Variants in SCARF2 observed in about 807,000 individuals in gnomAD.
SCARF2 encodes the protein scavenger receptor class F member 2.
Under a neutral mutation model 73.4 loss-of-function variants are expected in SCARF2, and 39 were observed. The observed-to-expected ratio is 0.53, with a 90% CI of 0.41 to 0.69. The LOEUF is 0.69. Ranked by LOEUF, SCARF2 falls within the 30% of genes least tolerant of loss-of-function variation. SCARF2 has a pLI of 0.00. For missense variants in SCARF2, 1,148 were observed against 1,303.5 expected (o/e 0.88, Z 1.84); for synonymous variants, 605 against 590.0 (o/e 1.03, Z -0.37).
Position 20,431,276 on chromosome 22 carries a change from G to C in SCARF2, c.596C>G (p.Ala199Gly). 1 of 1,535,966 alleles carries C rather than the reference G, an allele frequency of 6.5e-7. No homozygotes were observed. Among genetic ancestry groups the C allele is most frequent in the South Asian group, 1.2e-5 (1 of 84,002 alleles). The change falls in exon 4 of 11, where the codon GCC becomes GGC. Residue 199 changes from alanine to glycine, a missense_variant. By Grantham distance (60) the Ala-to-Gly change is moderately conservative (BLOSUM62 0). Around this residue, in one of 5 missense-constraint regions of SCARF2, gnomAD observed 372 missense variants for 532.0 expected, o/e 0.70. Coordinates refer to ENST00000622235, the MANE Select transcript of SCARF2 (RefSeq NM_182895.5). ...CCACCAGCCTGCGTGGCACAGGCAG[G>C]CGCCGGTCTGTGGGTCGCAGCGCGA... ...ATSRCDPQTG[A>G]CLCHAGWWGR... is the part of the protein sequence containing the mutation.
In SCARF2 at chr22:20,429,591, G is replaced by A. The variant is rs773824360; in HGVS notation, c.1369C>T (p.Leu457=). ...CAGCAGCAGCCGAGCAGCGAGAGCA[G>A]CAGGCAGACGAGCAGGACGAGCAGC... ...GALLVLLVCL[L]LSLLGCCCAC... is the part of the protein sequence containing the mutation. Residue 457 remains leucine (L), a synonymous_variant, in exon 8 of 11, where the codon CTG becomes TTG. Transcript: ENST00000622235. This position sits in a 1 kb window ranked among gnomAD's most constrained non-coding sequence, Gnocchi z 5.2. 6.2e-7 allele frequency: 1 copy of A among 1,613,512 alleles called. No homozygotes were observed. Among genetic ancestry groups the A allele is most frequent in the Non-Finnish European group, 8.5e-7 (1 of 1,179,904 alleles).
chr22:20,432,963 C>T (rs1441719669), intron 1 of SCARF2, among the ~76,000 whole-genome samples: 5 of 152,304 alleles, frequency 3.3e-5, no homozygotes, highest in South Asian at 2.1e-4. Flanking sequence ...GTGATCCGCC[C>T]GCCTCGGCCT....
At chr22:20,435,059 C>A (rs1015109477) in intron 1 of SCARF2, among the ~76,000 whole-genome samples, 22 of 152,226 alleles carry the variant, frequency 1.4e-4, no homozygotes, top group African/African-American at 4.8e-4. Flanking sequence ...GCAAATCCAA[C>A]TGCCCAATAG....
intron 10 of SCARF2, 29 bp from the exon 11 acceptor site, chr22:20,426,311 G>A: frequency 6.5e-7 from 1 of 1,531,570 alleles, no homozygotes; most frequent in South Asian, 1.2e-5. Flanking sequence ...GGCGGTCACA[G>A]CCTTCAGGAA....
chr22:20,437,556 C>G, intron 1 of SCARF2, 26 bp downstream of exon 1: 1 of 1,561,692 alleles, frequency 6.4e-7, no homozygotes, highest in Non-Finnish European at 8.6e-7. Context: ...CCTCTCGCCC[C>G]CTCCCCCAGC....
In SCARF2 at chr22:20,426,378, C is replaced by T. The variant is rs114669307; in HGVS notation, c.1694-96G>A. ...ACCTTCACCTTTCCTCCTCTACCCACGCCCTTGGCACTGTGTCACCCTGGC... is the reference window on the plus strand; with the variant it reads ...ACCTTCACCTTTCCTCCTCTACCCATGCCCTTGGCACTGTGTCACCCTGGC... On this transcript the variant is annotated intron_variant, in intron 10 of 10. Coordinates refer to ENST00000622235, the MANE Select transcript of SCARF2 (RefSeq NM_182895.5). 3,564 of 1,379,818 alleles carry T rather than the reference C, an allele frequency of 2.6e-3. 41 individuals are homozygous for T. Among genetic ancestry groups the T allele is most frequent in the South Asian group, 0.017 (1,279 of 75,822 alleles). The allele number at this position is 1,379,818 out of a possible 1,614,324, so 85.5% of individuals were successfully genotyped here. A position where few individuals can be genotyped will look rare whatever the true frequency, so the allele number is the denominator to read the frequency against.
In SCARF2 at chr22:20,426,072, C is replaced by G; in HGVS notation, c.1904G>C (p.Arg635Pro). The change falls in exon 11 of 11, where the codon CGG (arginine) becomes CCG (proline). Residue 635 changes from arginine to proline, a missense_variant. This residue lies in a region of SCARF2 where 437 missense variants were observed against 433.6 expected (regional missense o/e 1.01). Coordinates refer to ENST00000622235, the MANE Select transcript of SCARF2 (RefSeq NM_182895.5). ...RVARREARPARARGEIGGLSL... is the reference protein window; with the variant it reads ...RVARREARPAPARGEIGGLSL... ...CAGGCCCCCAATCTCGCCCCGGGCC[C>G]GGGCCGGCCGGGCCTCGCGTCGGGC... The G allele has an allele frequency of 6.5e-7, 1 of 1,536,752 alleles. No individual in the cohort carries two copies. Among genetic ancestry groups the G allele is most frequent in the Non-Finnish European group, 8.7e-7 (1 of 1,152,386 alleles).
chr22:20,437,694 G>GCGGCCCCCCGGCTCCCCGGCGCCGCGC lies in SCARF2; in HGVS notation c.34_60dup (p.Ala12_Pro20dup). The GCGGCCCCCCGGCTCCCCGGCGCCGCGC allele has an allele frequency of 3.4e-6, 5 of 1,468,096 alleles. No homozygotes were observed. Among genetic ancestry groups the GCGGCCCCCCGGCTCCCCGGCGCCGCGC allele is most frequent in the Non-Finnish European group, 4.5e-6 (5 of 1,114,932 alleles). 90.9% of individuals were successfully genotyped at this position (1,468,096 alleles called of 1,614,324 possible). A position where few individuals can be genotyped will look rare whatever the true frequency, so the allele number is the denominator to read the frequency against. On this transcript the variant is annotated inframe_insertion, in exon 1 of 11. Transcript: ENST00000622235. ...AGCAGCGACGGCAGCAGCGGTGACG[G>GCGGCCCCCCGGCTCCCCGGCGCCGCGC]CGGCCCCCCGGCTCCCCGGCGCCGC... is the stretch of plus-strand genomic sequence containing the variant.
chr22:20,430,277 C>T (rs1230908378), intron 6 of SCARF2, 152 bp downstream of exon 6: 5 of 976,150 alleles, frequency 5.1e-6, no homozygotes, highest in Non-Finnish European at 3.0e-6. Flanking sequence ...AGGAAACTGC[C>T]CCCAAAGAGC....
rs757785046 is a variant in SCARF2, at chr22:20,429,761, C to T, written c.1275G>A (p.Thr425=). 3.2e-5 allele frequency: 51 copies of T among 1,613,560 alleles called. No individual in the cohort carries two copies. The highest frequency in any genetic ancestry group is 5.5e-5 in the South Asian group (5 of 91,094). Reference sequence around the variant, plus strand: ...GGCAGGCACCAGTGACCGGGTCGCACGTGTCCTCGTGGCAGCTGCAGGCCT... The same window carrying T: ...GGCAGGCACCAGTGACCGGGTCGCATGTGTCCTCGTGGCAGCTGCAGGCCT... ...CAQACSCHED[T]CDPVTGACHL... The change falls in exon 7 of 11, where the codon ACG becomes ACA. Residue 425 remains threonine (T), a synonymous_variant. Coordinates refer to ENST00000622235, the MANE Select transcript of SCARF2 (RefSeq NM_182895.5). The surrounding 1 kb of genome is among the most constrained non-coding windows in gnomAD (Gnocchi z 5.2).
In SCARF2 at chr22:20,426,190, C is replaced by T. The variant is rs769123170; in HGVS notation, c.1786G>A (p.Ala596Thr). The change falls in exon 11 of 11, where the codon GCC becomes ACC. Residue 596 changes from alanine (A) to threonine (T), a missense_variant. Ala to Thr is a moderately conservative substitution (Grantham distance 58). Transcript: ENST00000622235. ...GCGGGGAGGGGTATCGCCTCCTCGG[C>T]GGAGGCTGGCGTGGTCAAGGGCACA... Reference protein sequence around the residue: ...SPVPLTTPASAEEAIPLPASS... With the variant: ...SPVPLTTPASTEEAIPLPASS... 6.6e-6 allele frequency: 10 copies of T among 1,512,448 alleles called. No individual in the cohort carries two copies. The South Asian group carries it at 1.1e-4, about 17-fold the overall frequency. The allele number at this position is 1,512,448 out of a possible 1,614,324, so 93.7% of individuals were successfully genotyped here.
intron 1 of SCARF2, among the ~76,000 whole-genome samples, chr22:20,435,660 G>A (rs937425445): frequency 2.6e-5 from 4 of 152,108 alleles, no homozygotes; most frequent in South Asian, 2.1e-4. Flanking sequence ...CAGGGCCTCC[G>A]TGCTCTTCTG....
In SCARF2 at chr22:20,430,412, G is replaced by A. The variant is rs1439190464; in HGVS notation, c.1202+17C>T. 1.3e-6 allele frequency: 2 copies of A among 1,580,594 alleles called. No individual in the cohort carries two copies. The highest frequency in any genetic ancestry group is 1.1e-5 in the South Asian group (1 of 87,332). ...AGGTACAAGCCCCCAACCCCCTCCC[G>A]GTCCCGGGGCACTCACTGGGGCCCG... On this transcript the variant is annotated intron_variant, in intron 6 of 10. Coordinates refer to ENST00000622235, the MANE Select transcript of SCARF2 (RefSeq NM_182895.5).
chr22:20,431,371 G>T lies in SCARF2; in HGVS notation c.501C>A (p.Ser167Arg). 6.6e-7 allele frequency: 1 copy of T among 1,516,896 alleles called. No individual in the cohort carries two copies. The highest frequency in any genetic ancestry group is 8.8e-7 in the Non-Finnish European group (1 of 1,139,446). The allele number at this position is 1,516,896 out of a possible 1,614,324, so 94.0% of individuals were successfully genotyped here. The change falls in exon 4 of 11, where the codon AGC (serine) becomes AGA (arginine). Residue 167 changes from serine (S) to arginine (R), a missense_variant. Ser to Arg is a moderately radical substitution (Grantham distance 110, BLOSUM62 -1). This residue lies in a region of SCARF2 where 372 missense variants were observed against 532.0 expected (regional missense o/e 0.70). Coordinates refer to ENST00000622235, the MANE Select transcript of SCARF2 (RefSeq NM_182895.5). The part of the protein sequence containing the change: ...QCQHGTCHPR[S>R]GACRCEPGWW... ...AGCCGGGCTCACAGCGGCACGCGCCGCTCCGCGGGTGGCACGTGCCGTGCT... is the reference window on the plus strand; with the variant it reads ...AGCCGGGCTCACAGCGGCACGCGCCTCTCCGCGGGTGGCACGTGCCGTGCT...
At position 20,431,763 on chromosome 22, in the gene SCARF2, C is replaced by T; in HGVS notation, c.316G>A (p.Gly106Ser). 1 of 1,584,590 alleles carries T rather than the reference C, an allele frequency of 6.3e-7. No individual in the cohort carries two copies. Among genetic ancestry groups the T allele is most frequent in the Admixed American group, 1.8e-5 (1 of 55,318 alleles). ...GECRCRHGYF[G>S]ANCDTKCPRQ... ...CGCTCACTGGTGTCGCAGTTGGCAC[C>T]GAAGTAGCCGTGGCGGCAGCGGCAC... Residue 106 changes from glycine (G) to serine (S), a missense_variant, in exon 3 of 11, where the codon GGT (glycine) becomes AGT (serine). Coordinates refer to ENST00000622235, the MANE Select transcript of SCARF2 (RefSeq NM_182895.5).
chr22:20,436,836 C>T (rs571515847), intron 1 of SCARF2, among the ~76,000 whole-genome samples: 1 of 152,164 alleles, frequency 6.6e-6, no homozygotes, highest in Admixed American at 6.5e-5. Context: ...CTCTGCCCTC[C>T]GTGCAAACTC....
intron 3 of SCARF2, 64 bp from the exon 4 acceptor site, chr22:20,431,601 G>A (rs2052648858): frequency 6.5e-7 from 1 of 1,543,988 alleles, no homozygotes; most frequent in African/African-American, 1.4e-5. Flanking sequence ...CCAGCCAGCC[G>A]GAACCTGCCC....
At position 20,429,508 on chromosome 22, in the gene SCARF2, G is replaced by A. The variant is rs939556522; in HGVS notation, c.1424+28C>T. The A allele has an allele frequency of 6.2e-7, 1 of 1,610,054 alleles. No homozygotes were observed. Among genetic ancestry groups the A allele is most frequent in the Non-Finnish European group, 8.5e-7 (1 of 1,179,070 alleles). On this transcript the variant is annotated intron_variant, in intron 8 of 10. Coordinates refer to ENST00000622235, the MANE Select transcript of SCARF2 (RefSeq NM_182895.5). This position sits in a 1 kb window ranked among gnomAD's most constrained non-coding sequence, Gnocchi z 5.2. ...CCCAGAGGGTGCGGCCTGAACCCAG[G>A]CGAAAGCGGGGCAGTATCTGGGCTC...
chr22:20,432,912 T>C (rs2146134582), intron 1 of SCARF2, among the ~76,000 whole-genome samples: 1 of 152,314 alleles, frequency 6.6e-6, no homozygotes, highest in Admixed American at 6.5e-5. Flanking sequence ...GAGACAGGGT[T>C]TCGCCATGTT....
Sources: allele counts gnomAD v4.1 joint callset (sites outside exome capture counted in the v4.1 genomes callset), GRCh38; gene constraint gnomAD v4.1.1; regional missense constraint gnomAD v4.1.1; non-coding constraint Gnocchi (gnomAD v3.1); transcripts MANE v1.5; gene names NCBI Gene and HGNC (gene_info 2026-07-23, HGNC 2026-07-21).